The following IL1RAPL2 variants were observed in gnomAD, a reference collection of about 807,000 sequenced individuals.
IL1RAPL2 encodes the protein X-linked interleukin-1 receptor accessory protein-like 2.
IL1RAPL2 carries 3 observed loss-of-function variants against 44.1 expected under a neutral mutation model. That is an observed-to-expected ratio of 0.07 (90% CI 0.03 to 0.18). IL1RAPL2 has a LOEUF of 0.18. Ranked by LOEUF, IL1RAPL2 falls within the 10% of genes least tolerant of loss-of-function variation. The pLI, the probability that IL1RAPL2 is intolerant of heterozygous loss-of-function variation, is 1.00. For synonymous variants in IL1RAPL2, 181 were observed against 178.8 expected (o/e 1.01, Z -0.10); for missense variants, 391 against 496.4 (o/e 0.79, Z 2.02).
chrX:105,144,275 A>T (rs1248684914), intron 2 of IL1RAPL2, among the ~76,000 whole-genome samples: 1 of 110,539 alleles, frequency 9.0e-6, no homozygotes, highest in Non-Finnish European at 1.9e-5. Context: ...CCAATACTTC[A>T]TCATTCCCAG....
At chrX:105,603,134 GA>G (rs754193728) in intron 6 of IL1RAPL2, among the ~76,000 whole-genome samples, 1 of 107,474 alleles carries the variant, frequency 9.3e-6, no homozygotes, top group Non-Finnish European at 1.9e-5. Flanking sequence ...AAAACAACCA[GA>G]AAAAAGTAGC....
At chrX:105,611,023 G>A (rs1444285219) in intron 6 of IL1RAPL2, among the ~76,000 whole-genome samples, 1 of 111,633 alleles carries the variant, frequency 9.0e-6, no homozygotes, top group African/African-American at 3.3e-5. Context: ...GTGGAAGGCA[G>A]TAATATTGAT....
chrX:105,033,983 A>G (rs953117931), intron 2 of IL1RAPL2, among the ~76,000 whole-genome samples: 3 of 111,209 alleles, frequency 2.7e-5, no homozygotes, highest in East Asian at 2.8e-4. Context: ...TTCATGTTCC[A>G]TCACAGATAC....
chrX:104,858,092 A>G (rs1040538536), intron 2 of IL1RAPL2, among the ~76,000 whole-genome samples: 7 of 111,027 alleles, frequency 6.3e-5, no homozygotes, highest in Admixed American at 2.9e-4. Flanking sequence ...TACAGTTAAT[A>G]ATAATGATAA....
chrX:104,895,003 C>A lies in IL1RAPL2; in HGVS notation c.82+236008C>A, dbSNP rs183147532. 2.9e-3 allele frequency among the ~76,000 whole-genome samples: 322 copies of A among 112,778 alleles called. 2 individuals are homozygous for A. Among genetic ancestry groups the A allele is most frequent in the Non-Finnish European group, 3.9e-3 (206 of 53,361 alleles). ...TTCTGTTTGTTAGTTTTCTTTCTAA[C>A]AGTCAGGACCCTCAGCTGCAGGTCT... is the stretch of plus-strand genomic sequence containing the variant. On this transcript the variant is annotated intron_variant, in intron 2 of 10. Coordinates refer to ENST00000372582, the MANE Select transcript of IL1RAPL2 (RefSeq NM_017416.2).
chrX:105,314,742 A>G (rs2034824054), intron 5 of IL1RAPL2, among the ~76,000 whole-genome samples: 1 of 111,894 alleles, frequency 8.9e-6, no homozygotes, highest in Non-Finnish European at 1.9e-5. Flanking sequence ...CTGCAGGTAC[A>G]GAAGAGCCTC....
intron 6 of IL1RAPL2, among the ~76,000 whole-genome samples, chrX:105,631,517 C>T (rs958907563): frequency 1.8e-5 from 2 of 112,390 alleles, no homozygotes; most frequent in Non-Finnish European, 3.8e-5. Context: ...CTACCAGGAT[C>T]CCCTCCATTT....
At chrX:104,813,531 T>A (rs1205445968) in intron 2 of IL1RAPL2, among the ~76,000 whole-genome samples, 1 of 111,665 alleles carries the variant, frequency 9.0e-6, no homozygotes, top group Non-Finnish European at 1.9e-5. Context: ...CATTTGATCA[T>A]TCATTCCAAC....
chrX:105,730,806 G>A (rs770104320), intron 7 of IL1RAPL2, among the ~76,000 whole-genome samples: 19 of 111,321 alleles, frequency 1.7e-4, no homozygotes, highest in Non-Finnish European at 3.0e-4. Flanking sequence ...TTAAAAAGTC[G>A]AGAAACAAAT....
At chrX:105,144,419 G>T (rs949647560) in intron 2 of IL1RAPL2, among the ~76,000 whole-genome samples, 4 of 111,015 alleles carry the variant, frequency 3.6e-5, no homozygotes, top group African/African-American at 1.3e-4. Context: ...TCACTCCGTT[G>T]AATCACAGTT....
chrX:104,637,433 A>G (rs1276357058), intron 1 of IL1RAPL2, among the ~76,000 whole-genome samples: 1 of 111,040 alleles, frequency 9.0e-6, no homozygotes, highest in African/African-American at 3.3e-5. Context: ...CCCATTCAAT[A>G]TAATGTTAGC....
At chrX:104,973,821 A>G (rs2147722525) in intron 2 of IL1RAPL2, among the ~76,000 whole-genome samples, 1 of 111,657 alleles carries the variant, frequency 9.0e-6, no homozygotes, top group Admixed American at 9.5e-5. Context: ...ATAACCAATC[A>G]TTTTAATCTA....
At chrX:104,682,915 G>T (rs1930913785) in intron 2 of IL1RAPL2, among the ~76,000 whole-genome samples, 1 of 111,138 alleles carries the variant, frequency 9.0e-6, no homozygotes, top group South Asian at 3.8e-4. Context: ...TTTTTTTAAG[G>T]CTATGTTTGG....
chrX:104,979,467 C>T lies in IL1RAPL2; in HGVS notation c.83-216008C>T, dbSNP rs762337070. Among the ~76,000 whole-genome samples the T allele has an allele frequency of 1.7e-4, 19 of 111,195 alleles. No homozygotes were observed. In the South Asian group the frequency reaches 6.0e-3, roughly 35 times the overall value. Reference sequence around the variant, plus strand: ...ATGTCACTAAATAAATTTAAAAATTCTACACAGAACAAATATATAAAAGGG... The same window carrying T: ...ATGTCACTAAATAAATTTAAAAATTTTACACAGAACAAATATATAAAAGGG... On this transcript the variant is annotated intron_variant, in intron 2 of 10. Transcript: ENST00000372582.
chrX:105,640,691 TACACAC>T (rs1556372467), intron 6 of IL1RAPL2, among the ~76,000 whole-genome samples: 1 of 76,046 alleles, frequency 1.3e-5, no homozygotes, highest in Non-Finnish European at 2.6e-5. Flanking sequence ...TATATATATA[TACACAC>T]ACATATACAT....
At chrX:105,496,075 A>G (rs1341611717) in intron 6 of IL1RAPL2, among the ~76,000 whole-genome samples, 1 of 112,128 alleles carries the variant, frequency 8.9e-6, no homozygotes, top group Non-Finnish European at 1.9e-5. Context: ...TGATCTCCAT[A>G]GCCCCTTATT....
At chrX:105,736,807 T>C (rs778880566) in intron 7 of IL1RAPL2, among the ~76,000 whole-genome samples, 1 of 111,883 alleles carries the variant, frequency 8.9e-6, no homozygotes, top group South Asian at 3.7e-4. Context: ...TGGAAAGCAG[T>C]TTGGCAATTT....
intron 2 of IL1RAPL2, among the ~76,000 whole-genome samples, chrX:105,061,838 G>C (rs768324481): frequency 8.9e-6 from 1 of 111,988 alleles, no homozygotes; most frequent in African/African-American, 3.2e-5. Context: ...TATTTTGTCT[G>C]ATACAAGGAT....
At chrX:104,880,271 C>T (rs1227985168) in intron 2 of IL1RAPL2, among the ~76,000 whole-genome samples, 1 of 110,866 alleles carries the variant, frequency 9.0e-6, no homozygotes, top group African/African-American at 3.3e-5. Flanking sequence ...TGGCAAACTA[C>T]TGAGTAAAGC....
Sources: allele counts gnomAD v4.1 joint callset (sites outside exome capture counted in the v4.1 genomes callset), GRCh38; gene constraint gnomAD v4.1.1; transcripts MANE v1.5; gene names NCBI Gene and HGNC (gene_info 2026-07-23, HGNC 2026-07-21).